Variants in SLC9A9 observed in about 807,000 individuals in gnomAD.
SLC9A9 encodes the protein solute carrier family 9 member A9.
In SLC9A9, 62 loss-of-function variants were observed where a neutral mutation model predicts 77.8. The observed-to-expected ratio is 0.80, with a 90% CI of 0.65 to 0.98. SLC9A9 has a LOEUF of 0.98. Among genes scored for constraint, SLC9A9 ranks in the 50% least tolerant of loss-of-function variants. The pLI is 0.00. For synonymous variants in SLC9A9, 320 were observed against 283.5 expected (o/e 1.13, Z -1.29); for missense variants, 775 against 774.9 (o/e 1.00, Z 0.00).
chr3:143,772,798 T>C (rs1484048902), intron 4 of SLC9A9, among the ~76,000 whole-genome samples: 1 of 152,202 alleles, frequency 6.6e-6, no homozygotes, highest in Non-Finnish European at 1.5e-5. Context: ...CCCACCTGGA[T>C]GATGCCAATT....
At chr3:143,348,130 C>T (rs548540985) in intron 14 of SLC9A9, among the ~76,000 whole-genome samples, 1 of 151,852 alleles carries the variant, frequency 6.6e-6, no homozygotes, top group Admixed American at 6.6e-5. Flanking sequence ...TCTCCTGCTT[C>T]AGCCTCCTGA....
At chr3:143,449,811 AT>A (rs2034950698) in intron 12 of SLC9A9, among the ~76,000 whole-genome samples, 1 of 45,526 alleles carries the variant, frequency 2.2e-5, no homozygotes, top group African/African-American at 1.5e-4. Context: ...TATATATATA[AT>A]TATATATTTA....
At chr3:143,443,280 A>C (rs938353493) in intron 12 of SLC9A9, among the ~76,000 whole-genome samples, 2 of 152,194 alleles carry the variant, frequency 1.3e-5, no homozygotes, top group Non-Finnish European at 2.9e-5. Flanking sequence ...TCAAAGCCAC[A>C]ACAAAGGCTC....
chr3:143,395,750 A>C (rs1363616336), intron 12 of SLC9A9, among the ~76,000 whole-genome samples: 1 of 152,256 alleles, frequency 6.6e-6, no homozygotes, highest in Non-Finnish European at 1.5e-5. Flanking sequence ...ACAAATTTAC[A>C]AGAAAAAAAC....
chr3:143,527,328 A>G (rs973557673), intron 9 of SLC9A9, among the ~76,000 whole-genome samples: 1 of 152,246 alleles, frequency 6.6e-6, no homozygotes, highest in Admixed American at 6.5e-5. Context: ...TAATATGGTT[A>G]AAGTGTTTTA....
chr3:143,463,984 G>A (rs2035240191), intron 12 of SLC9A9, among the ~76,000 whole-genome samples: 1 of 152,058 alleles, frequency 6.6e-6, no homozygotes, highest in Non-Finnish European at 1.5e-5. Flanking sequence ...GTAGTTTGCA[G>A]CTGGATGGCA....
intron 4 of SLC9A9, among the ~76,000 whole-genome samples, chr3:143,785,934 G>A (rs1392981442): frequency 7.1e-6 from 1 of 140,542 alleles, no homozygotes; most frequent in African/African-American, 2.6e-5. Context: ...TCGACTCACT[G>A]CAAGCTCCGC....
intron 4 of SLC9A9, among the ~76,000 whole-genome samples, chr3:143,705,960 G>A (rs1211535209): frequency 1.3e-5 from 2 of 152,206 alleles, no homozygotes; most frequent in Non-Finnish European, 1.5e-5. Context: ...AGTGTCCTAC[G>A]AGAGGTCAGA....
chr3:143,718,579 G>T (rs1262774098), intron 4 of SLC9A9, among the ~76,000 whole-genome samples: 1 of 152,164 alleles, frequency 6.6e-6, no homozygotes, highest in Admixed American at 6.5e-5. Context: ...GGAGTGAAAT[G>T]CCTGGGTTCC....
At chr3:143,612,932 C>T (rs1397296558) in intron 6 of SLC9A9, among the ~76,000 whole-genome samples, 3 of 152,094 alleles carry the variant, frequency 2.0e-5, no homozygotes, top group East Asian at 3.8e-4. Context: ...ATTTTTTCCC[C>T]TAATGTAGAA....
At chr3:143,808,708 C>T (rs529343222) in intron 2 of SLC9A9, among the ~76,000 whole-genome samples, 6 of 152,264 alleles carry the variant, frequency 3.9e-5, no homozygotes, top group African/African-American at 1.4e-4. Context: ...ACATCCTAAG[C>T]TCCTTGACTT....
chr3:143,319,988 C>T (rs936878731), intron 14 of SLC9A9, among the ~76,000 whole-genome samples: 4 of 152,310 alleles, frequency 2.6e-5, no homozygotes, highest in Non-Finnish European at 2.9e-5. Flanking sequence ...CACTGCTTCA[C>T]GATTTTTGCC....
rs144031545 is a variant in SLC9A9, at chr3:143,456,322, G to A, written c.1469+10715C>T. On this transcript the variant is annotated intron_variant, in intron 12 of 15. Transcript: ENST00000316549. ...TTCTAGTATTCTGTGCAAGATTTTT[G>A]CATCTATGTGTATAAAAAAGATTGG... 9.8e-3 allele frequency among the ~76,000 whole-genome samples: 1,486 copies of A among 152,064 alleles called. 23 individuals are homozygous for A. The highest frequency in any genetic ancestry group is 0.033 in the African/African-American group (1,389 of 41,500).
intron 2 of SLC9A9, among the ~76,000 whole-genome samples, chr3:143,821,723 C>T (rs1439469177): frequency 1.3e-5 from 2 of 152,192 alleles, no homozygotes; most frequent in South Asian, 2.1e-4. Context: ...CCTATTATGG[C>T]CCATTTCAAG....
chr3:143,610,430 G>A (rs926994808), intron 6 of SLC9A9, among the ~76,000 whole-genome samples: 1 of 152,106 alleles, frequency 6.6e-6, no homozygotes, highest in African/African-American at 2.4e-5. Flanking sequence ...TACAGGCATG[G>A]GCCACTATGC....
At chr3:143,308,893 G>A (rs1033906998) in intron 14 of SLC9A9, among the ~76,000 whole-genome samples, 11 of 152,152 alleles carry the variant, frequency 7.2e-5, no homozygotes, top group African/African-American at 2.4e-4. Context: ...ACACTGAAGT[G>A]TATCTGGTGA....
At chr3:143,649,621 C>G (rs893423799) in intron 6 of SLC9A9, among the ~76,000 whole-genome samples, 2 of 152,058 alleles carry the variant, frequency 1.3e-5, no homozygotes, top group Non-Finnish European at 2.9e-5. Flanking sequence ...AATACTAGAG[C>G]ACAGTATTTC....
intron 4 of SLC9A9, among the ~76,000 whole-genome samples, chr3:143,735,071 G>A (rs1934904978): frequency 6.6e-6 from 1 of 152,058 alleles, no homozygotes; most frequent in South Asian, 2.1e-4. Flanking sequence ...GACTCCTCTG[G>A]GACACAGAAT....
At chr3:143,414,131 T>C (rs1409159401) in intron 12 of SLC9A9, among the ~76,000 whole-genome samples, 7 of 152,266 alleles carry the variant, frequency 4.6e-5, no homozygotes, top group African/African-American at 1.7e-4. Context: ...TTTCAATTCC[T>C]CTTTCCCTTT....
Sources: gnomAD v4.1 joint callset for allele counts (sites outside exome capture counted in the v4.1 genomes callset) on GRCh38, gnomAD v4.1.1 for gene constraint, MANE v1.5 for transcripts, NCBI Gene and HGNC (gene_info 2026-07-23, HGNC 2026-07-21) for gene names.